The following DOCK11 variants were observed in gnomAD, a reference collection of about 807,000 sequenced individuals.
DOCK11 encodes dedicator of cytokinesis 11.
A neutral mutation model predicts 169.1 loss-of-function variants in DOCK11; 70 were observed. The ratio of observed to expected loss-of-function variants is 0.41; its 90% confidence interval spans 0.34 to 0.51. The LOEUF is 0.51. Ranked by LOEUF, DOCK11 falls within the 20% of genes least tolerant of loss-of-function variation. The pLI is 0.10. For synonymous variants in DOCK11, 529 were observed against 541.3 expected, an observed-to-expected ratio of 0.98 and a Z score of 0.32; for missense variants, 1,166 against 1,538.8, an observed-to-expected ratio of 0.76 and a Z score of 4.05.
intron 20 of DOCK11, among the ~76,000 whole-genome samples, chrX:118,594,853 C>A (rs1454572700): frequency 9.1e-6 from 1 of 110,187 alleles, no homozygotes; most frequent in Non-Finnish European, 1.9e-5. Context: ...GATAATGCAA[C>A]AATGGCAGGA....
chrX:118,607,242 G>A (rs1368599026), intron 24 of DOCK11, among the ~76,000 whole-genome samples: 2 of 96,461 alleles, frequency 2.1e-5, no homozygotes, highest in African/African-American at 7.7e-5. Flanking sequence ...TCAGCCTCCC[G>A]AGTAGCTGGG....
chrX:118,626,065 C>CTTT (rs570844267), intron 32 of DOCK11, among the ~76,000 whole-genome samples: 18 of 92,627 alleles, frequency 1.9e-4, no homozygotes, highest in East Asian at 3.3e-4. Context: ...AAATCCTTTA[C>CTTT]TTTTTTTTTT....
At chrX:118,667,442 G>A (rs2016364559) in intron 45 of DOCK11, among the ~76,000 whole-genome samples, 1 of 103,378 alleles carries the variant, frequency 9.7e-6, no homozygotes, top group Non-Finnish European at 2.0e-5. Flanking sequence ...TTTTTAAGAC[G>A]TACCATTTGG....
At chrX:118,561,995 G>A (rs143210410) in intron 7 of DOCK11, among the ~76,000 whole-genome samples, 1,188 of 109,225 alleles carry the variant, frequency 0.011, 21 homozygotes, top group African/African-American at 0.037. Context: ...GTGAAACCCC[G>A]TCTCTACTAA....
At chrX:118,524,348 T>C (rs1215313392) in intron 1 of DOCK11, among the ~76,000 whole-genome samples, 3 of 111,753 alleles carry the variant, frequency 2.7e-5, no homozygotes, top group African/African-American at 9.8e-5. Context: ...ATTCAACCCA[T>C]ACCTTCTTTA....
At chrX:118,652,348 T>C (rs772629851) in intron 42 of DOCK11, among the ~76,000 whole-genome samples, 25 of 111,737 alleles carry the variant, frequency 2.2e-4, no homozygotes, top group Non-Finnish European at 3.8e-4. Flanking sequence ...ATCTGAATTT[T>C]TTTTTTCTGG....
intron 16 of DOCK11, among the ~76,000 whole-genome samples, chrX:118,586,807 C>T (rs998413192): frequency 9.0e-6 from 1 of 111,552 alleles, no homozygotes; most frequent in African/African-American, 3.3e-5. Context: ...TCCAGTATAG[C>T]TCTAGTGTAG....
chrX:118,629,855 A>G (rs1385532745), intron 34 of DOCK11, among the ~76,000 whole-genome samples: 3 of 80,009 alleles, frequency 3.7e-5, no homozygotes, highest in African/African-American at 1.5e-4. Flanking sequence ...AGGTTTTGCT[A>G]TATTGCCCAG....
rs202202601 is a variant in DOCK11, at chrX:118,563,434, G to A, written c.693+1917G>A. ...AATTAGCCAGTGCACTCCAGCCTGG[G>A]CAGCACAGTGAGATCTCATCTCTAA... On this transcript the variant is annotated intron_variant, in intron 7 of 52. Coordinates refer to ENST00000276202, the MANE Select transcript of DOCK11 (RefSeq NM_144658.4). Among the ~76,000 whole-genome samples, 16 of 110,689 alleles carry A rather than the reference G, an allele frequency of 1.4e-4. No individual in the cohort carries two copies. In the East Asian group the frequency reaches 3.4e-3, roughly 23 times the overall value.
intron 20 of DOCK11, 79 bp downstream of exon 20, chrX:118,593,416 C>G (rs1432456059): frequency 1.5e-5 from 15 of 970,594 alleles, no homozygotes; most frequent in Middle Eastern, 8.4e-4. Context: ...TTTCACCAAG[C>G]TATAGACCAC....
In DOCK11 at chrX:118,619,503, T is replaced by A. The variant is rs867771520; in HGVS notation, c.3471+775T>A. On this transcript the variant is annotated intron_variant, in intron 31 of 52. Transcript: ENST00000276202. ...CTCAAAAAAAAAAAAAAAAAATATA[T>A]ATATATATATAGTTTAGTTAACTGT... is the stretch of plus-strand genomic sequence containing the variant. Among the ~76,000 whole-genome samples, 654 of 97,738 alleles carry A rather than the reference T, an allele frequency of 6.7e-3. 10 individuals carry two copies. The highest frequency in any genetic ancestry group is 0.018 in the African/African-American group (481 of 26,769). 84.9% of individuals were successfully genotyped at this position (97,738 alleles called of 115,157 possible).
At chrX:118,590,482 G>A (rs1275411484) in intron 19 of DOCK11, among the ~76,000 whole-genome samples, 180 bp downstream of exon 19, 1 of 111,060 alleles carries the variant, frequency 9.0e-6, no homozygotes, top group Non-Finnish European at 1.9e-5. Flanking sequence ...GATGGTAGTA[G>A]AAGATTTACC....
At chrX:118,682,187 C>T (rs190232010) in intron 51 of DOCK11, among the ~76,000 whole-genome samples, 148 of 110,184 alleles carry the variant, frequency 1.3e-3, no homozygotes, top group African/African-American at 4.8e-3. Context: ...ACTCCAGTCC[C>T]CTGTCCTTAC....
intron 6 of DOCK11, among the ~76,000 whole-genome samples, chrX:118,549,209 A>G (rs1026892260): frequency 1.4e-4 from 15 of 107,816 alleles, no homozygotes; most frequent in Admixed American, 3.0e-4. Flanking sequence ...CAGAGGTGCA[A>G]TCTCAGCTCA....
intron 10 of DOCK11, among the ~76,000 whole-genome samples, 193 bp from the exon 11 acceptor site, chrX:118,572,130 C>T (rs1298437562): frequency 1.8e-5 from 2 of 112,122 alleles, no homozygotes; most frequent in Non-Finnish European, 3.8e-5. Context: ...CATCATCTCC[C>T]TCTAGGATTT....
At chrX:118,555,814 C>T (rs1042376011) in intron 6 of DOCK11, among the ~76,000 whole-genome samples, 5 of 110,496 alleles carry the variant, frequency 4.5e-5, no homozygotes, top group African/African-American at 6.6e-5. Flanking sequence ...CTTTTCCTTG[C>T]TGGCTCTTCC....
rs769670209 is a variant in DOCK11, at chrX:118,572,384, G to A, written c.1097G>A (p.Arg366His). The A allele has an allele frequency of 8.3e-6, 10 of 1,202,775 alleles. No individual in the cohort carries two copies. Among genetic ancestry groups the A allele is most frequent in the East Asian group, 3.0e-5 (1 of 33,699 alleles). ...CCATTTGAAGAAAAATGCAATAAAC[G>A]TTTCCTGGTGAATTGCCATGATTTA... ...IKPFEEKCNK[R>H]FLVNCHDLTF... The change falls in exon 11 of 53, where the codon CGT becomes CAT. Residue 366 changes from arginine to histidine, a missense_variant. By Grantham distance (29) the Arg-to-His change is conservative. Transcript: ENST00000276202.
rs77784406 is a variant in DOCK11, at chrX:118,568,063, T to C, written c.952-16T>C. 3,306 of 1,017,012 alleles carry C rather than the reference T, an allele frequency of 3.3e-3. 23 individuals carry two copies. The highest frequency in any genetic ancestry group is 0.022 in the African/African-American group (1,118 of 51,848). The allele number at this position is 1,017,012 out of a possible 1,213,427, so 83.8% of individuals were successfully genotyped here. ...TGAAGGAAATGAAGTAACATACTTA[T>C]TTTTTAAAATTTTAGTATGGAAGAG... is the stretch of plus-strand genomic sequence containing the variant. On this transcript the variant is annotated splice_polypyrimidine_tract_variant and intron_variant, in intron 9 of 52. Coordinates refer to ENST00000276202, the MANE Select transcript of DOCK11 (RefSeq NM_144658.4).
chrX:118,676,863 A>G lies in DOCK11; in HGVS notation c.5460+126A>G, dbSNP rs2016623283. On this transcript the variant is annotated intron_variant, in intron 48 of 52. Coordinates refer to ENST00000276202, the MANE Select transcript of DOCK11 (RefSeq NM_144658.4). ...ACAGAGCTTTCCAGATAATAAAAGA[A>G]AGAACAGGGGCTTTGGAGTCAGAGA... 6 of 628,220 alleles carry G rather than the reference A, an allele frequency of 9.6e-6. No individual in the cohort carries two copies. In the Admixed American group the frequency reaches 2.1e-4, roughly 21 times the overall value. The allele number at this position is 628,220 out of a possible 1,213,427, so 51.8% of individuals were successfully genotyped here. A position where few individuals can be genotyped will look rare whatever the true frequency, so the allele number is the denominator to read the frequency against.
Sources: allele counts gnomAD v4.1 joint callset (sites outside exome capture counted in the v4.1 genomes callset), GRCh38; gene constraint gnomAD v4.1.1; transcripts MANE v1.5; gene names NCBI Gene and HGNC (gene_info 2026-07-23, HGNC 2026-07-21).